The following TGFBR2 variants were observed in gnomAD, a reference collection of about 807,000 sequenced individuals.
TGFBR2 encodes transforming growth factor beta receptor 2.
Under a neutral mutation model 49.0 loss-of-function variants are expected in TGFBR2, and 18 were observed. That is an observed-to-expected ratio of 0.37 (90% CI 0.25 to 0.54). The LOEUF (loss-of-function observed/expected upper bound fraction) is 0.54, where lower values mean the gene tolerates loss of function less well. Among genes scored for constraint, TGFBR2 ranks in the 20% least tolerant of loss-of-function variants. The pLI is 0.85. For missense variants in TGFBR2, 525 were observed against 722.6 expected, an observed-to-expected ratio of 0.73 and a Z score of 3.13; for synonymous variants, 282 against 275.9, an observed-to-expected ratio of 1.02 and a Z score of -0.22.
intron 2 of TGFBR2, among the ~76,000 whole-genome samples, chr3:30,645,413 C>T (rs760928639): frequency 9.9e-5 from 15 of 151,712 alleles, no homozygotes; most frequent in South Asian, 2.1e-4. Flanking sequence ...TTTTTTTAGT[C>T]AGAAATTCTG....
chr3:30,634,615 G>A (rs115131752), intron 1 of TGFBR2, among the ~76,000 whole-genome samples: 2,520 of 152,272 alleles, frequency 0.017, 23 homozygotes, highest in Non-Finnish European at 0.025. Context: ...GTAAAACTCC[G>A]TCAGTCGTGT....
At chr3:30,637,568 GGAGAACT>G (rs1223158027) in intron 1 of TGFBR2, among the ~76,000 whole-genome samples, 2 of 152,224 alleles carry the variant, frequency 1.3e-5, no homozygotes, top group Non-Finnish European at 2.9e-5. Context: ...GACCAAGGGT[GGAGAACT>G]GATCTCTAAG....
At position 30,671,662 on chromosome 3, in the gene TGFBR2, T is replaced by A; in HGVS notation, c.479T>A (p.Leu160Ter). ...SEEYNTSNPD[L>*]LLVIFQVTGI... ...GAATATAACACCAGCAATCCTGACT[T>A]GTTGCTAGTCATATTTCAAGTGACA... The change falls in exon 4 of 7, where the codon TTG becomes TAG. Residue 160 changes from leucine to a stop codon, truncating the protein, a stop_gained. Transcript: ENST00000295754. LOFTEE classifies it high-confidence loss of function. The A allele has an allele frequency of 6.2e-7, 1 of 1,614,170 alleles. No homozygotes were observed. The highest frequency in any genetic ancestry group is 8.5e-7 in the Non-Finnish European group (1 of 1,180,020).
rs78993142 is a variant in TGFBR2 at position 30,631,058 on chromosome 3, T to A, written c.95-13689T>A. ...AGCCTTTTTTTTTTTTTTTTTTTTT[T>A]AAATACAGAGTCTTGCTCTGTCGTA... On this transcript the variant is annotated intron_variant, in intron 1 of 6. Transcript: ENST00000295754. Among the ~76,000 whole-genome samples the A allele has an allele frequency of 6.8e-4, 67 of 98,980 alleles. 2 individuals carry two copies. In the South Asian group the frequency reaches 0.019, roughly 28 times the overall value. The allele number at this position is 98,980 out of a possible 152,430, so 64.9% of individuals were successfully genotyped here.
intron 3 of TGFBR2, among the ~76,000 whole-genome samples, chr3:30,668,834 C>G (rs781132881): frequency 6.6e-6 from 1 of 151,732 alleles, no homozygotes. Flanking sequence ...TCTCTGGTTA[C>G]TAGACCCAAG....
chr3:30,624,843 G>A (rs148907464), intron 1 of TGFBR2, among the ~76,000 whole-genome samples: 1 of 152,228 alleles, frequency 6.6e-6, no homozygotes, highest in East Asian at 1.9e-4. Flanking sequence ...TTCCACCAGT[G>A]TTCTTCAGGG....
chr3:30,677,076 T>C (rs567199219), intron 5 of TGFBR2, among the ~76,000 whole-genome samples: 7 of 152,322 alleles, frequency 4.6e-5, no homozygotes, highest in South Asian at 4.1e-4. Flanking sequence ...TGTTATTCTA[T>C]AAACATGAGC....
chr3:30,648,396 T>C (rs920077177), intron 2 of TGFBR2, among the ~76,000 whole-genome samples: 14 of 143,604 alleles, frequency 9.7e-5, no homozygotes, highest in African/African-American at 3.6e-4. Flanking sequence ...ACCTTCGTTT[T>C]ATTACCCAAA....
chr3:30,644,222 G>C (rs1403818358), intron 1 of TGFBR2, among the ~76,000 whole-genome samples: 2 of 152,146 alleles, frequency 1.3e-5, no homozygotes, highest in Non-Finnish European at 2.9e-5. Flanking sequence ...TCCAGCAACG[G>C]TTCCTCCTTT....
chr3:30,621,011 T>A (rs971301182), intron 1 of TGFBR2, among the ~76,000 whole-genome samples: 7 of 152,186 alleles, frequency 4.6e-5, no homozygotes, highest in Admixed American at 1.3e-4. Flanking sequence ...GGTCTTGAAT[T>A]TGGCCTTCAG....
Position 30,674,165 on chromosome 3 carries a change from G to A in TGFBR2, c.1315G>A (p.Val439Ile). 1.2e-6 allele frequency: 2 copies of A among 1,614,192 alleles called. No homozygotes were observed. Among genetic ancestry groups the A allele is most frequent in the Non-Finnish European group, 1.7e-6 (2 of 1,180,030 alleles). Residue 439 changes from valine (V) to isoleucine (I), a missense_variant, in exon 5 of 7, where the codon GTT (valine) becomes ATT (isoleucine). Around this residue, in one of 3 missense-constraint regions of TGFBR2, gnomAD observed 45 missense variants for 111.0 expected, o/e 0.41. Coordinates refer to ENST00000295754, the MANE Select transcript of TGFBR2 (RefSeq NM_003242.6). Reference sequence around the variant, plus strand: ...AGAATCCAGGATGAATTTGGAGAATGTTGAGTCCTTCAAGCAGACCGATGT... The same window carrying A: ...AGAATCCAGGATGAATTTGGAGAATATTGAGTCCTTCAAGCAGACCGATGT... ...VLESRMNLENVESFKQTDVYS... is the reference protein window; with the variant it reads ...VLESRMNLENIESFKQTDVYS...
chr3:30,688,850 C>T (rs1369888349), intron 6 of TGFBR2, among the ~76,000 whole-genome samples: 1 of 152,198 alleles, frequency 6.6e-6, no homozygotes, highest in East Asian at 1.9e-4. Flanking sequence ...TTGATTCCCT[C>T]TGGATTCCAA....
intron 1 of TGFBR2, among the ~76,000 whole-genome samples, chr3:30,637,063 GAAAA>G (rs752993282): frequency 1.0e-5 from 1 of 99,156 alleles, no homozygotes; most frequent in Non-Finnish European, 2.1e-5. Context: ...GACTCTGTCT[GAAAA>G]AAAAAAAAAA....
At chr3:30,682,428 AT>A (rs201573725) in intron 5 of TGFBR2, among the ~76,000 whole-genome samples, 1 of 151,974 alleles carries the variant, frequency 6.6e-6, no homozygotes, top group African/African-American at 2.4e-5. Flanking sequence ...GGCAATTCCA[AT>A]TTTTTTTAAA....
chr3:30,625,986 G>A (rs930934895), intron 1 of TGFBR2, among the ~76,000 whole-genome samples: 4 of 152,142 alleles, frequency 2.6e-5, no homozygotes, highest in East Asian at 3.9e-4. Flanking sequence ...CTGGCTGCAC[G>A]TTAGGATCAC....
At chr3:30,657,319 C>G (rs1410419516) in intron 3 of TGFBR2, among the ~76,000 whole-genome samples, 1 of 152,190 alleles carries the variant, frequency 6.6e-6, no homozygotes, top group Admixed American at 6.5e-5. Context: ...TGAGCATGTC[C>G]TTGGCAAGAG....
At chr3:30,667,929 A>G (rs909146901) in intron 3 of TGFBR2, among the ~76,000 whole-genome samples, 18 of 152,212 alleles carry the variant, frequency 1.2e-4, no homozygotes, top group African/African-American at 4.3e-4. Flanking sequence ...CCTCTAGAAC[A>G]GGGGTCAGCA....
At chr3:30,652,277 C>T (rs1441220103) in intron 3 of TGFBR2, among the ~76,000 whole-genome samples, 3 of 149,110 alleles carry the variant, frequency 2.0e-5, no homozygotes, top group East Asian at 3.9e-4. Context: ...CTCTGTCGCC[C>T]AGGCTGGAGT....
chr3:30,610,247 C>G (rs535842188), intron 1 of TGFBR2, among the ~76,000 whole-genome samples: 1 of 152,040 alleles, frequency 6.6e-6, no homozygotes, highest in Non-Finnish European at 1.5e-5. Flanking sequence ...GAAAAGGATA[C>G]GTGTTTTAAC....
Sources: allele counts gnomAD v4.1 joint callset (sites outside exome capture counted in the v4.1 genomes callset), GRCh38; gene constraint gnomAD v4.1.1; regional missense constraint gnomAD v4.1.1; transcripts MANE v1.5; gene names NCBI Gene and HGNC (gene_info 2026-07-23, HGNC 2026-07-21).